Variants in PRKACB observed in about 807,000 individuals in gnomAD.
PRKACB encodes the protein cAMP-dependent protein kinase catalytic subunit beta.
A neutral mutation model predicts 51.4 loss-of-function variants in PRKACB; 16 were observed. That is an observed-to-expected ratio of 0.31 (90% CI 0.21 to 0.47). The LOEUF is 0.47. Among genes scored for constraint, PRKACB ranks in the 20% least tolerant of loss-of-function variants. The pLI is 1.00. For missense variants in PRKACB, 309 were observed against 464.5 expected, an observed-to-expected ratio of 0.67 and a Z score of 3.08; for synonymous variants, 147 against 154.4, an observed-to-expected ratio of 0.95 and a Z score of 0.35.
At chr1:84,102,038 C>T (rs1221312678) in intron 1 of PRKACB, among the ~76,000 whole-genome samples, 2 of 151,912 alleles carry the variant, frequency 1.3e-5, no homozygotes, top group African/African-American at 4.8e-5. Context: ...TTTGCTATGA[C>T]CTCAGATAAT....
At position 84,202,668 on chromosome 1, in the gene PRKACB, G is replaced by T; in HGVS notation, c.784-15G>T. 5.0e-6 allele frequency: 8 copies of T among 1,584,188 alleles called. No homozygotes were observed. Among genetic ancestry groups the T allele is most frequent in the Non-Finnish European group, 6.0e-6 (7 of 1,165,448 alleles). On this transcript the variant is annotated splice_polypyrimidine_tract_variant and intron_variant, in intron 7 of 9. Transcript: ENST00000370685. The stretch of plus-strand genomic sequence containing the variant: ...AACTTAAGTAACAATTGACATTGGT[G>T]TTGGTTTATCTCAGGGCTACAATAA...
At chr1:84,170,483 T>C (rs1023945802) in intron 1 of PRKACB, among the ~76,000 whole-genome samples, 7 of 151,640 alleles carry the variant, frequency 4.6e-5, no homozygotes, top group African/African-American at 1.7e-4. Flanking sequence ...GTATTAATTG[T>C]GTGGTCTAGG....
chr1:84,108,395 A>G (rs915137905), intron 1 of PRKACB, among the ~76,000 whole-genome samples: 2 of 151,962 alleles, frequency 1.3e-5, no homozygotes, highest in African/African-American at 4.8e-5. Context: ...TATTGGGTAT[A>G]CCTGGGTGAT....
At chr1:84,198,457 G>C (rs1668802723) in intron 7 of PRKACB, among the ~76,000 whole-genome samples, 1 of 151,872 alleles carries the variant, frequency 6.6e-6, no homozygotes, top group Admixed American at 6.6e-5. Flanking sequence ...AAAAGGAAGG[G>C]GATAAGACAC....
chr1:84,082,271 C>A (rs1647595694), intron 1 of PRKACB, among the ~76,000 whole-genome samples: 1 of 152,088 alleles, frequency 6.6e-6, no homozygotes, highest in African/African-American at 2.4e-5. Flanking sequence ...AATAGAATAG[C>A]CGATGCTAAG....
chr1:84,135,351 T>G (rs771221835), intron 1 of PRKACB, among the ~76,000 whole-genome samples: 6 of 152,188 alleles, frequency 3.9e-5, no homozygotes, highest in Non-Finnish European at 7.4e-5. Context: ...ACACTCTTCT[T>G]TCAATAATTG....
chr1:84,188,222 A>G (rs1665750766), intron 5 of PRKACB, among the ~76,000 whole-genome samples: 1 of 151,878 alleles, frequency 6.6e-6, no homozygotes, highest in South Asian at 2.1e-4. Context: ...CAATGTAACA[A>G]TGTTTTAAAT....
At chr1:84,199,502 A>G (rs951098432) in intron 7 of PRKACB, among the ~76,000 whole-genome samples, 2 of 152,134 alleles carry the variant, frequency 1.3e-5, no homozygotes, top group African/African-American at 4.8e-5. Flanking sequence ...TTATAGCTGC[A>G]TAGTATTCCG....
At chr1:84,196,778 G>A (rs2101213041) in intron 6 of PRKACB, 36 bp downstream of exon 6, 1 of 1,568,562 alleles carries the variant, frequency 6.4e-7, no homozygotes. Flanking sequence ...CTGTATATGA[G>A]AAAATACTAG....
At chr1:84,141,224 C>T (rs890678582), upstream of PRKACB, among the ~76,000 whole-genome samples, 3 of 151,718 alleles carry the variant, frequency 2.0e-5, no homozygotes, top group Non-Finnish European at 2.9e-5. Context: ...GGTAAATTCT[C>T]GGTGCATGGC....
Position 84,185,170 on chromosome 1 carries a change from T to C in PRKACB, c.548T>C (p.Ile183Thr). ...GGEMFSHLRR[I>T]GRFSEPHARF... The stretch of plus-strand genomic sequence containing the variant: ...GAAATGTTTTCACATCTAAGAAGAA[T>C]TGGAAGGTTCAGGTAACTAATGGTT... The change falls in exon 5 of 10, where the codon ATT (isoleucine) becomes ACT (threonine). Residue 183 changes from isoleucine (I) to threonine (T), a missense_variant. This residue lies in a region of PRKACB where 60 missense variants were observed against 144.4 expected (regional missense o/e 0.42). Coordinates refer to ENST00000370685, the MANE Select transcript of PRKACB (RefSeq NM_182948.4). 6.6e-7 allele frequency: 1 copy of C among 1,511,958 alleles called. No homozygotes were observed. The highest frequency in any genetic ancestry group is 8.8e-7 in the Non-Finnish European group (1 of 1,133,974). The allele number at this position is 1,511,958 out of a possible 1,614,324, so 93.7% of individuals were successfully genotyped here.
chr1:84,106,350 C>G (rs1649747648), intron 1 of PRKACB, among the ~76,000 whole-genome samples: 1 of 152,136 alleles, frequency 6.6e-6, no homozygotes, highest in Admixed American at 6.5e-5. Context: ...GATTCTATAT[C>G]TAGAAAACTC....
At chr1:84,202,628 C>T (rs1670459167) in intron 7 of PRKACB, 55 bp from the exon 8 acceptor site, 2 of 1,504,672 alleles carry the variant, frequency 1.3e-6, no homozygotes, top group African/African-American at 1.4e-5. Flanking sequence ...TCTTTGACTT[C>T]ATTCTCTTTT....
chr1:84,202,620 T>C, intron 7 of PRKACB, 63 bp from the exon 8 acceptor site: 1 of 1,483,928 alleles, frequency 6.7e-7, no homozygotes, highest in Non-Finnish European at 9.1e-7. Context: ...TGAAATTATC[T>C]TTGACTTCAT....
chr1:84,092,180 T>C (rs1296632524), intron 1 of PRKACB, among the ~76,000 whole-genome samples: 1 of 152,206 alleles, frequency 6.6e-6, no homozygotes, highest in Non-Finnish European at 1.5e-5. Context: ...ATGTGAATTT[T>C]CACCCATACC....
intron 7 of PRKACB, 109 bp downstream of exon 7, chr1:84,197,933 A>G (rs1402317832): frequency 2.7e-6 from 2 of 737,762 alleles, no homozygotes; most frequent in Non-Finnish European, 4.3e-6. Context: ...AATTTGATCT[A>G]AGTTATGAAT....
chr1:84,129,613 A>G (rs925965019), intron 1 of PRKACB, among the ~76,000 whole-genome samples: 2 of 152,174 alleles, frequency 1.3e-5, no homozygotes, highest in African/African-American at 4.8e-5. Context: ...TTCTAAATCT[A>G]TTATTAAATT....
chr1:84,147,859 C>T (rs995404134), intron 1 of PRKACB, among the ~76,000 whole-genome samples: 1 of 151,992 alleles, frequency 6.6e-6, no homozygotes, highest in Non-Finnish European at 1.5e-5. Flanking sequence ...TGGATTTAAA[C>T]TTTAAAAGTT....
At chr1:84,165,853 C>G (rs41300514) in intron 1 of PRKACB, among the ~76,000 whole-genome samples, 2,383 of 151,686 alleles carry the variant, frequency 0.016, 63 homozygotes, top group African/African-American at 0.054. Flanking sequence ...GGAAGTTAAC[C>G]TTTGATTCAG....
Sources: allele counts gnomAD v4.1 joint callset (sites outside exome capture counted in the v4.1 genomes callset), GRCh38; gene constraint gnomAD v4.1.1; regional missense constraint gnomAD v4.1.1; transcripts MANE v1.5; gene names NCBI Gene and HGNC (gene_info 2026-07-23, HGNC 2026-07-21).